Variants in HIC1 observed in about 807,000 individuals in gnomAD.
HIC1 encodes hypermethylated in cancer 1 protein.
Under a neutral mutation model 26.4 loss-of-function variants are expected in HIC1, and 9 were observed. The observed-to-expected ratio is 0.34, with a 90% CI of 0.21 to 0.59. The LOEUF (loss-of-function observed/expected upper bound fraction) is 0.59, where lower values mean the gene tolerates loss of function less well. Among genes scored for constraint, HIC1 ranks in the 20% least tolerant of loss-of-function variants. The pLI is 0.82. For synonymous variants in HIC1, 631 were observed against 523.1 expected, an observed-to-expected ratio of 1.21 and a Z score of -2.81; for missense variants, 965 against 1,075.7, an observed-to-expected ratio of 0.90 and a Z score of 1.44.
In HIC1 at chr17:2,057,299, A is replaced by G. The variant is rs1250054462; in HGVS notation, c.609A>G (p.Gly203=). The change falls in exon 2 of 2, where the codon GGA becomes GGG. Residue 203 remains glycine (G), a synonymous_variant. Transcript: ENST00000619757. The part of the protein sequence containing the change: ...NTHCAELYAS[G]PGPAAALCAS... Reference sequence around the variant, plus strand: ...ACTGCGCCGAGCTGTACGCGTCGGGACCCGGCCCGGCCGCCGCACTCTGTG... The same window carrying G: ...ACTGCGCCGAGCTGTACGCGTCGGGGCCCGGCCCGGCCGCCGCACTCTGTG... 1.4e-6 allele frequency: 2 copies of G among 1,479,866 alleles called. No individual in the cohort carries two copies. Among genetic ancestry groups the G allele is most frequent in the Middle Eastern group, 2.3e-4 (1 of 4,354 alleles). The allele number at this position is 1,479,866 out of a possible 1,614,324, so 91.7% of individuals were successfully genotyped here.
Position 2,059,116 on chromosome 17 carries a change from C to G in HIC1, c.*281C>G. ...GACCCCAGGCCCCTCCCGCCTCTTC[C>G]TGTGGTTCGTCGGCCCCCTCCCCCG... On this transcript the variant is annotated 3_prime_UTR_variant, in exon 2 of 2. Coordinates refer to ENST00000619757, the MANE Select transcript of HIC1 (RefSeq NM_006497.4). The G allele has an allele frequency of 2.7e-6, 1 of 366,658 alleles. No individual in the cohort carries two copies. The highest frequency in any genetic ancestry group is 5.1e-6 in the Non-Finnish European group (1 of 197,028). 22.7% of individuals were successfully genotyped at this position (366,658 alleles called of 1,614,324 possible). A position where few individuals can be genotyped will look rare whatever the true frequency, so the allele number is the denominator to read the frequency against.
In HIC1 at chr17:2,060,801, C is replaced by T. The variant is rs192262828; in HGVS notation, c.*1966C>T. 108 of 152,608 alleles carry T rather than the reference C, an allele frequency of 7.1e-4. 1 individual carries two copies. Among genetic ancestry groups the T allele is most frequent in the East Asian group, 2.9e-3 (15 of 5,172 alleles). 9.5% of individuals were successfully genotyped at this position (152,608 alleles called of 1,614,324 possible). A position where few individuals can be genotyped will look rare whatever the true frequency, so the allele number is the denominator to read the frequency against. On this transcript the variant is annotated 3_prime_UTR_variant, in exon 2 of 2. Coordinates refer to ENST00000619757, the MANE Select transcript of HIC1 (RefSeq NM_006497.4). ...TTTCCTCTAGACTCATGACTGTCCA[C>T]GGGGACGCAACTGGCGAAGTGTGAG... is the stretch of plus-strand genomic sequence containing the variant.
chr17:2,056,428 TGCAGGCC>T, intron 1 of HIC1: 1 of 1,463,288 alleles, frequency 6.8e-7, no homozygotes, highest in South Asian at 1.1e-5. Context: ...CCCTGGGGCG[TGCAGGCC>T]GCCCTGGCCT....
In HIC1 at chr17:2,058,857, C is replaced by A; in HGVS notation, c.*22C>A. The stretch of plus-strand genomic sequence containing the variant: ...CTAGAGCGCCCCTCGCCAGCCCGCT[C>A]TGTCGCTGCTGCGCGGCCCTGGCCC... On this transcript the variant is annotated 3_prime_UTR_variant, in exon 2 of 2. Coordinates refer to ENST00000619757, the MANE Select transcript of HIC1 (RefSeq NM_006497.4). 7.1e-7 allele frequency: 1 copy of A among 1,415,136 alleles called. No homozygotes were observed. The highest frequency in any genetic ancestry group is 3.0e-5 in the East Asian group (1 of 33,614). The allele number at this position is 1,415,136 out of a possible 1,614,324, so 87.7% of individuals were successfully genotyped here.
At position 2,061,525 on chromosome 17, in the gene HIC1, G is replaced by T. The variant is rs775769121; in HGVS notation, c.*2690G>T. On this transcript the variant is annotated 3_prime_UTR_variant, in exon 2 of 2. Coordinates refer to ENST00000619757, the MANE Select transcript of HIC1 (RefSeq NM_006497.4). ...CCTGGGCCCACGTGAGGAAGGCTGG[G>T]ATGTCCCGTACAGGAACATTCCTTG... 1 of 1,575,260 alleles carries T rather than the reference G, an allele frequency of 6.3e-7. No individual in the cohort carries two copies. Among genetic ancestry groups the T allele is most frequent in the South Asian group, 1.2e-5 (1 of 86,094 alleles).
At position 2,059,591 on chromosome 17, in the gene HIC1, C is replaced by G. The variant is rs1005400998; in HGVS notation, c.*756C>G. The G allele has an allele frequency of 1.2e-5, 2 of 167,094 alleles. No homozygotes were observed. Among genetic ancestry groups the G allele is most frequent in the African/African-American group, 2.4e-5 (1 of 41,470 alleles). 10.4% of individuals were successfully genotyped at this position (167,094 alleles called of 1,614,324 possible). On this transcript the variant is annotated 3_prime_UTR_variant, in exon 2 of 2. Transcript: ENST00000619757. ...AACGCGGTCTCTTTAGCTCCCTCCTCTTCGTTTGTATATTTCCTACCTTGT... is the reference window on the plus strand; with the variant it reads ...AACGCGGTCTCTTTAGCTCCCTCCTGTTCGTTTGTATATTTCCTACCTTGT...
rs756871471 is a variant in HIC1 at position 2,057,696 on chromosome 17, C to G, written c.1006C>G (p.Arg336Gly). 2.0e-6 allele frequency: 3 copies of G among 1,484,658 alleles called. No homozygotes were observed. The African/African-American group carries it at 4.4e-5, about 22-fold the overall frequency. The allele number at this position is 1,484,658 out of a possible 1,614,324, so 92.0% of individuals were successfully genotyped here. A position where few individuals can be genotyped will look rare whatever the true frequency, so the allele number is the denominator to read the frequency against. ...CCGGGAGCGCGGCTCCCCCAGCGAG[C>G]GCTGCGAAGAGCGTGGTGGGGACGC... ...LGRERGSPSE[R>G]CEERGGDAAV... Residue 336 changes from arginine to glycine, a missense_variant, in exon 2 of 2, where the codon CGC becomes GGC. Around this residue, in one of 6 missense-constraint regions of HIC1, gnomAD observed 526 missense variants for 525.0 expected, o/e 1.00. Transcript: ENST00000619757.
At position 2,062,393 on chromosome 17, in the gene HIC1, T is replaced by G. The variant is rs550348795; in HGVS notation, c.*3558T>G. ...TTACAAGTACATACACTTGGACATA[T>G]AACCTTTTTTTCCTACAGCATCATG... On this transcript the variant is annotated 3_prime_UTR_variant, in exon 2 of 2. Coordinates refer to ENST00000619757, the MANE Select transcript of HIC1 (RefSeq NM_006497.4). 6.6e-6 allele frequency: 1 copy of G among 152,340 alleles called. No individual in the cohort carries two copies. Among genetic ancestry groups the G allele is most frequent in the South Asian group, 2.1e-4 (1 of 4,830 alleles). The allele number at this position is 152,340 out of a possible 1,614,324, so 9.4% of individuals were successfully genotyped here.
At position 2,057,151 on chromosome 17, in the gene HIC1, G is replaced by A; in HGVS notation, c.461G>A (p.Arg154Gln). 7.6e-7 allele frequency: 1 copy of A among 1,312,498 alleles called. No homozygotes were observed. Among genetic ancestry groups the A allele is most frequent in the Non-Finnish European group, 9.6e-7 (1 of 1,039,586 alleles). The allele number at this position is 1,312,498 out of a possible 1,614,324, so 81.3% of individuals were successfully genotyped here. ...GGCGGCGGCTACGCGCCCTATGGTC[G>A]GCCGGGCCGGGGCCTGCGGGCCGCC... is the stretch of plus-strand genomic sequence containing the variant. The part of the protein sequence containing the change: ...GGGGGYAPYG[R>Q]PGRGLRAATP... The change falls in exon 2 of 2, where the codon CGG (arginine) becomes CAG (glutamine). Residue 154 changes from arginine to glutamine, a missense_variant. Physicochemically the swap from Arg to Gln is conservative, Grantham distance 43. Transcript: ENST00000619757.
rs1486598627 is a variant in HIC1, at chr17:2,058,634, G to C, written c.1944G>C (p.Lys648Asn). ...AGCTGAGCCTGAAGCAGCAGGACAA[G>C]GCGGCCGCGGCCGAGCTGCTGGCGC... ...AEQLSLKQQD[K>N]AAAAELLAQT... Residue 648 changes from lysine (K) to asparagine (N), a missense_variant, in exon 2 of 2, where the codon AAG becomes AAC. Lys to Asn is a moderately conservative substitution (Grantham distance 94). Transcript: ENST00000619757. The C allele has an allele frequency of 5.8e-6, 9 of 1,564,238 alleles. No homozygotes were observed. The Middle Eastern group carries it at 5.0e-4, about 87-fold the overall frequency.
In HIC1 at chr17:2,059,192, A is replaced by T. The variant is rs1406410577; in HGVS notation, c.*357A>T. 4 of 236,606 alleles carry T rather than the reference A, an allele frequency of 1.7e-5. No homozygotes were observed. Among genetic ancestry groups the T allele is most frequent in the Non-Finnish European group, 3.5e-5 (4 of 113,988 alleles). The allele number at this position is 236,606 out of a possible 1,614,324, so 14.7% of individuals were successfully genotyped here. A position where few individuals can be genotyped will look rare whatever the true frequency, so the allele number is the denominator to read the frequency against. ...GGGGTGTCACTGTCGGGGCACTCCT[A>T]GCCCTACCTCCGGCCCTTGCGACCA... is the stretch of plus-strand genomic sequence containing the variant. On this transcript the variant is annotated 3_prime_UTR_variant, in exon 2 of 2. Coordinates refer to ENST00000619757, the MANE Select transcript of HIC1 (RefSeq NM_006497.4).
Position 2,058,163 on chromosome 17 carries a change from G to T in HIC1, c.1473G>T (p.Ala491=). ...LGELLRPYRC[A]SCDKSYKDPA... ...AGCTGCTGCGGCCCTACCGCTGCGC[G>T]TCGTGCGACAAGAGCTACAAGGACC... The change falls in exon 2 of 2, where the codon GCG becomes GCT. Residue 491 remains alanine (A), a synonymous_variant. Transcript: ENST00000619757. The T allele has an allele frequency of 6.2e-7, 1 of 1,609,664 alleles. No individual in the cohort carries two copies.
chr17:2,058,181 C>T lies in HIC1; in HGVS notation c.1491C>T (p.Tyr497=), dbSNP rs373038310. 3 of 1,610,868 alleles carry T rather than the reference C, an allele frequency of 1.9e-6. No individual in the cohort carries two copies. The highest frequency in any genetic ancestry group is 1.3e-5 in the African/African-American group (1 of 74,940). The change falls in exon 2 of 2, where the codon TAC becomes TAT. Residue 497 remains tyrosine (Y), a synonymous_variant. Coordinates refer to ENST00000619757, the MANE Select transcript of HIC1 (RefSeq NM_006497.4). ...PYRCASCDKS[Y]KDPATLRQHE... ...GCTGCGCGTCGTGCGACAAGAGCTACAAGGACCCGGCCACGCTGCGGCAGC... is the reference window on the plus strand; with the variant it reads ...GCTGCGCGTCGTGCGACAAGAGCTATAAGGACCCGGCCACGCTGCGGCAGC...
chr17:2,061,717 G>C lies in HIC1; in HGVS notation c.*2882G>C. ...CTGGAGAATGTGGTCCTGGGGAGGGGGTGCCACGCTAGCCGTGTCTTGGCT... is the reference window on the plus strand; with the variant it reads ...CTGGAGAATGTGGTCCTGGGGAGGGCGTGCCACGCTAGCCGTGTCTTGGCT... On this transcript the variant is annotated 3_prime_UTR_variant, in exon 2 of 2. Transcript: ENST00000619757. 1 of 1,381,440 alleles carries C rather than the reference G, an allele frequency of 7.2e-7. No homozygotes were observed. Among genetic ancestry groups the C allele is most frequent in the Non-Finnish European group, 9.9e-7 (1 of 1,011,266 alleles). The allele number at this position is 1,381,440 out of a possible 1,614,324, so 85.6% of individuals were successfully genotyped here.
chr17:2,057,456 G>A lies in HIC1; in HGVS notation c.766G>A (p.Gly256Ser), dbSNP rs1452571528. The A allele has an allele frequency of 3.4e-6, 5 of 1,465,474 alleles. No individual in the cohort carries two copies. The highest frequency in any genetic ancestry group is 2.6e-5 in the South Asian group (2 of 77,456). 90.8% of individuals were successfully genotyped at this position (1,465,474 alleles called of 1,614,324 possible). A position where few individuals can be genotyped will look rare whatever the true frequency, so the allele number is the denominator to read the frequency against. ...PPRPDSPPSA[G>S]PAAYKEPPLA... ...GCGCCCGGACAGCCCTCCCAGCGCCGGCCCCGCCGCCTACAAGGAGCCGCC... is the reference window on the plus strand; with the variant it reads ...GCGCCCGGACAGCCCTCCCAGCGCCAGCCCCGCCGCCTACAAGGAGCCGCC... Residue 256 changes from glycine (G) to serine (S), a missense_variant, in exon 2 of 2, where the codon GGC becomes AGC. Physicochemically the swap from Gly to Ser is moderately conservative, Grantham distance 56. This residue lies in a region of HIC1 where 526 missense variants were observed against 525.0 expected (regional missense o/e 1.00). Coordinates refer to ENST00000619757, the MANE Select transcript of HIC1 (RefSeq NM_006497.4).
rs770980971 is a variant in HIC1, at chr17:2,061,510, C to T, written c.*2675C>T. The stretch of plus-strand genomic sequence containing the variant: ...GGCTCCCTCAGCCCACCTGGGCCCA[C>T]GTGAGGAAGGCTGGGATGTCCCGTA... On this transcript the variant is annotated 3_prime_UTR_variant, in exon 2 of 2. Transcript: ENST00000619757. 10 of 1,574,512 alleles carry T rather than the reference C, an allele frequency of 6.4e-6. No individual in the cohort carries two copies. Among genetic ancestry groups the T allele is most frequent in the African/African-American group, 5.4e-5 (4 of 74,038 alleles).
In HIC1 at chr17:2,056,912, G is replaced by A. The variant is rs1402425526; in HGVS notation, c.222G>A (p.Val74=). 6.2e-7 allele frequency: 1 copy of A among 1,612,480 alleles called. No homozygotes were observed. Among genetic ancestry groups the A allele is most frequent in the African/African-American group, 1.3e-5 (1 of 74,890 alleles). ...ACCATGACATGGTGAGCCCGGCCGTGTTCCGCCTGGTGCTGGACTTCATCT... is the reference window on the plus strand; with the variant it reads ...ACCATGACATGGTGAGCCCGGCCGTATTCCGCCTGGTGCTGGACTTCATCT... The part of the protein sequence containing the change: ...NLDHDMVSPA[V]FRLVLDFIYT... The change falls in exon 2 of 2, where the codon GTG becomes GTA. Residue 74 remains valine (V), a synonymous_variant. Transcript: ENST00000619757.
In HIC1 at chr17:2,059,007, TCGGGGGTCGGGGGAGAACCCCGGGA is replaced by T. The variant is rs1388554849; in HGVS notation, c.*180_*204del. Reference sequence around the variant, plus strand: ...TGGCCTCACTGCTTCGTGCCTTAGCTCGGGGGTCGGGGGAGAACCCCGGGACGGGGGTGGGATGGGGTAAGGGAAA... The same window carrying T: ...TGGCCTCACTGCTTCGTGCCTTAGCTCGGGGGTGGGATGGGGTAAGGGAAA... On this transcript the variant is annotated 3_prime_UTR_variant, in exon 2 of 2. Coordinates refer to ENST00000619757, the MANE Select transcript of HIC1 (RefSeq NM_006497.4). The T allele has an allele frequency of 4.4e-5, 24 of 540,290 alleles. No individual in the cohort carries two copies. Among genetic ancestry groups the T allele is most frequent in the Non-Finnish European group, 6.2e-5 (20 of 320,640 alleles). The allele number at this position is 540,290 out of a possible 1,614,324, so 33.5% of individuals were successfully genotyped here.
chr17:2,058,975 C>A lies in HIC1; in HGVS notation c.*140C>A, dbSNP rs1329333595. ...CAGTGGCGGCTCCACCTCTCGGCGG[C>A]CTCACCTGGCCTCACTGCTTCGTGC... On this transcript the variant is annotated 3_prime_UTR_variant, in exon 2 of 2. Transcript: ENST00000619757. The A allele has an allele frequency of 1.6e-4, 109 of 688,550 alleles. No homozygotes were observed. Among genetic ancestry groups the A allele is most frequent in the Non-Finnish European group, 2.3e-4 (102 of 448,324 alleles). 42.7% of individuals were successfully genotyped at this position (688,550 alleles called of 1,614,324 possible). A position where few individuals can be genotyped will look rare whatever the true frequency, so the allele number is the denominator to read the frequency against.
Sources: gnomAD v4.1 joint callset for allele counts on GRCh38, gnomAD v4.1.1 for gene constraint, gnomAD v4.1.1 regional missense constraint, MANE v1.5 for transcripts, NCBI Gene and HGNC (gene_info 2026-07-23, HGNC 2026-07-21) for gene names.